The following STK32B variants were observed in gnomAD, a reference collection of about 807,000 sequenced individuals.
STK32B encodes the protein serine/threonine kinase 32B, also known as serine/threonine-protein kinase 32B.
A neutral mutation model predicts 52.6 loss-of-function variants in STK32B; 43 were observed. That is an observed-to-expected ratio of 0.82 (90% CI 0.64 to 1.05). The LOEUF (loss-of-function observed/expected upper bound fraction) is 1.05. Ranked by LOEUF, STK32B falls within the 50% of genes least tolerant of loss-of-function variation. STK32B has a pLI of 0.00. For missense variants in STK32B, 621 were observed against 534.6 expected (o/e 1.16, Z -1.59); for synonymous variants, 238 against 204.3 (o/e 1.17, Z -1.41).
intron 3 of STK32B, among the ~76,000 whole-genome samples, chr4:5,312,976 T>G (rs1353107462): frequency 6.6e-6 from 1 of 152,018 alleles, no homozygotes; most frequent in African/African-American, 2.4e-5. Flanking sequence ...ATTCATTTTA[T>G]GAAACTTGTA....
intron 3 of STK32B, among the ~76,000 whole-genome samples, chr4:5,245,365 T>C (rs1410269994): frequency 6.6e-6 from 1 of 152,202 alleles, no homozygotes; most frequent in Non-Finnish European, 1.5e-5. Context: ...TCTTGGTTGG[T>C]TTAAAGTCTG....
intron 1 of STK32B, among the ~76,000 whole-genome samples, chr4:5,135,297 G>A (rs1716007231): frequency 6.6e-6 from 1 of 152,182 alleles, no homozygotes; most frequent in Non-Finnish European, 1.5e-5. Context: ...CTGATGCACA[G>A]AGAGCCTGAG....
At chr4:5,123,498 G>A (rs1355725645) in intron 1 of STK32B, among the ~76,000 whole-genome samples, 2 of 152,056 alleles carry the variant, frequency 1.3e-5, no homozygotes, top group East Asian at 1.9e-4. Flanking sequence ...ACAGCCTGGG[G>A]GGCTTCAACA....
intron 2 of STK32B, among the ~76,000 whole-genome samples, chr4:5,155,890 T>C (rs550292500): frequency 1.2e-4 from 19 of 152,190 alleles, no homozygotes; most frequent in Non-Finnish European, 2.4e-4. Flanking sequence ...CAGACTAATA[T>C]ACCCACTAAA....
intron 3 of STK32B, among the ~76,000 whole-genome samples, chr4:5,209,137 G>A (rs370353513): frequency 6.6e-6 from 1 of 152,222 alleles, no homozygotes; most frequent in African/African-American, 2.4e-5. Flanking sequence ...AAAATTGTGA[G>A]TATGGACTAA....
chr4:5,354,091 A>G (rs1447127306), intron 4 of STK32B, among the ~76,000 whole-genome samples: 1 of 152,210 alleles, frequency 6.6e-6, no homozygotes, highest in African/African-American at 2.4e-5. Context: ...AGCAACATGG[A>G]TGGAACTGGA....
chr4:5,356,884 G>C (rs1243161094), intron 4 of STK32B, among the ~76,000 whole-genome samples: 1 of 152,128 alleles, frequency 6.6e-6, no homozygotes, highest in Non-Finnish European at 1.5e-5. Flanking sequence ...TGTAGTCCCA[G>C]CTACTCAGGA....
intron 4 of STK32B, among the ~76,000 whole-genome samples, chr4:5,334,012 A>G (rs985837940): frequency 3.3e-5 from 5 of 152,214 alleles, no homozygotes; most frequent in Non-Finnish European, 5.9e-5. Context: ...AATTCTGTGA[A>G]GAAAGTCATT....
At chr4:5,472,315 G>A (rs1717906198) in intron 11 of STK32B, among the ~76,000 whole-genome samples, 1 of 152,230 alleles carries the variant, frequency 6.6e-6, no homozygotes, top group Admixed American at 6.5e-5. Context: ...ACAGGAGGAG[G>A]TGCCCTGGGG....
chr4:5,339,428 C>T (rs1732924603), intron 4 of STK32B, among the ~76,000 whole-genome samples: 1 of 152,146 alleles, frequency 6.6e-6, no homozygotes, highest in African/African-American at 2.4e-5. Context: ...TCTTATGGTT[C>T]ATAAATCCCC....
At chr4:5,475,679 C>G (rs2109185867) in intron 11 of STK32B, among the ~76,000 whole-genome samples, 1 of 144,536 alleles carries the variant, frequency 6.9e-6, no homozygotes, top group African/African-American at 2.6e-5. Context: ...GCCTGGGCAA[C>G]AGAGCAATAC....
intron 2 of STK32B, among the ~76,000 whole-genome samples, chr4:5,144,788 C>CATTCATTCATTCATT (rs869178092): frequency 3.1e-3 from 90 of 29,356 alleles, no homozygotes; most frequent in African/African-American, 5.7e-3. Context: ...ATTCACTCAT[C>CATTCATTCATTCATT]CATCCATCCA....
chr4:5,437,941 T>G, intron 6 of STK32B: 2 of 985,424 alleles, frequency 2.0e-6, no homozygotes, highest in Non-Finnish European at 1.2e-6. Context: ...TCCAAGTGTG[T>G]GGGGGAGGAG....
At position 5,365,478 on chromosome 4, in the gene STK32B, T is replaced by C. The variant is rs565015707; in HGVS notation, c.435-32729T>C. On this transcript the variant is annotated intron_variant, in intron 4 of 11. Transcript: ENST00000282908. Reference sequence around the variant, plus strand: ...AAAGGAAACTAAATATAACCTCTTTTTATTCTTATTGTAGAAGTCTGTCAA... The same window carrying C: ...AAAGGAAACTAAATATAACCTCTTTCTATTCTTATTGTAGAAGTCTGTCAA... 2.6e-5 allele frequency among the ~76,000 whole-genome samples: 4 copies of C among 152,328 alleles called. No homozygotes were observed. In the South Asian group the frequency reaches 6.2e-4, roughly 24 times the overall value.
At chr4:5,192,776 C>T (rs965897064) in intron 3 of STK32B, among the ~76,000 whole-genome samples, 7 of 151,892 alleles carry the variant, frequency 4.6e-5, no homozygotes, top group African/African-American at 4.8e-5. Flanking sequence ...GTACACAAGT[C>T]GTTCTTACCA....
At chr4:5,126,956 T>G (rs1715401555) in intron 1 of STK32B, among the ~76,000 whole-genome samples, 1 of 152,182 alleles carries the variant, frequency 6.6e-6, no homozygotes, top group South Asian at 2.1e-4. Context: ...GGAGTGGTGA[T>G]AGGTAATAGT....
chr4:5,434,379 C>G (rs1713850613), intron 6 of STK32B, among the ~76,000 whole-genome samples: 1 of 151,132 alleles, frequency 6.6e-6, no homozygotes, highest in Non-Finnish European at 1.5e-5. Flanking sequence ...TTATGAACGT[C>G]AGGAAATTTT....
chr4:5,306,790 C>G (rs1175488575), intron 3 of STK32B, among the ~76,000 whole-genome samples: 1 of 152,104 alleles, frequency 6.6e-6, no homozygotes, highest in Non-Finnish European at 1.5e-5. Flanking sequence ...GGATTTGTTT[C>G]AAGATTTAGA....
At chr4:5,267,880 C>T (rs1384557370) in intron 3 of STK32B, among the ~76,000 whole-genome samples, 2 of 152,126 alleles carry the variant, frequency 1.3e-5, no homozygotes, top group African/African-American at 4.8e-5. Flanking sequence ...TGGAGGCTGC[C>T]CAGAAGTTGA....
Sources: gnomAD v4.1 joint callset for allele counts (sites outside exome capture counted in the v4.1 genomes callset) on GRCh38, gnomAD v4.1.1 for gene constraint, MANE v1.5 for transcripts, NCBI Gene and HGNC (gene_info 2026-07-23, HGNC 2026-07-21) for gene names.